Variants in SYTL2 observed in about 807,000 individuals in gnomAD.
SYTL2 encodes the protein synaptotagmin like 2.
A neutral mutation model predicts 198.7 loss-of-function variants in SYTL2; 165 were observed. The observed-to-expected ratio is 0.83, with a 90% CI of 0.73 to 0.94. The LOEUF (loss-of-function observed/expected upper bound fraction) is 0.94. Ranked by LOEUF, SYTL2 falls within the 40% of genes least tolerant of loss-of-function variation. The pLI is 0.00. For missense variants in SYTL2, 2,835 were observed against 2,582.8 expected, an observed-to-expected ratio of 1.10 and a Z score of -2.12; for synonymous variants, 966 against 917.7, an observed-to-expected ratio of 1.05 and a Z score of -0.95.
At chr11:85,829,206 G>A in the SYTL2 span, among the ~76,000 whole-genome samples, 2 of 152,148 alleles carry the variant, frequency 1.3e-5, no homozygotes, top group African/African-American at 4.8e-5. Context: ...GTACCAAATA[G>A]GTGGTTTTTA....
the SYTL2 span, among the ~76,000 whole-genome samples, chr11:85,846,309 C>G: frequency 6.6e-6 from 1 of 152,186 alleles, no homozygotes; most frequent in East Asian, 1.9e-4. Context: ...CATTTCCATA[C>G]TCTCTTGCTT....
At position 85,705,002 on chromosome 11, in the gene SYTL2, C is replaced by CT; in HGVS notation, c.6044dup (p.Thr2016AspfsTer15). 4 of 1,611,928 alleles carry CT rather than the reference C, an allele frequency of 2.5e-6. No individual in the cohort carries two copies. Among genetic ancestry groups the CT allele is most frequent in the Non-Finnish European group, 3.4e-6 (4 of 1,178,788 alleles). On this transcript the variant is annotated frameshift_variant, in exon 16 of 20. Transcript: ENST00000359152. LOFTEE classifies it high-confidence loss of function. The stretch of plus-strand genomic sequence containing the variant: ...AAATGGACAGGTTCAATTTCTGTGT[C>CT]TTTAAGATTTGTTTTTCAATTTTAT...
At chr11:85,773,373 G>A (rs667275) in intron 1 of SYTL2, among the ~76,000 whole-genome samples, 90,632 of 152,082 alleles carry the variant, frequency 0.6, 27,791 homozygotes, top group Middle Eastern at 0.67. Context: ...CTCTGTCTTT[G>A]GAACATGCAG....
At chr11:85,753,971 G>A (rs1447835324) in intron 2 of SYTL2, among the ~76,000 whole-genome samples, 1 of 152,094 alleles carries the variant, frequency 6.6e-6, no homozygotes, top group Non-Finnish European at 1.5e-5. Flanking sequence ...CAACAGTGGT[G>A]TATCCATTAG....
At chr11:85,700,982 G>A (rs2153377375) in intron 16 of SYTL2, among the ~76,000 whole-genome samples, 1 of 152,298 alleles carries the variant, frequency 6.6e-6, no homozygotes, top group East Asian at 1.9e-4. Context: ...ATTTGAAGGA[G>A]TATGAGATAG....
chr11:85,707,821 A>C (rs925376856), intron 14 of SYTL2, among the ~76,000 whole-genome samples: 16 of 151,950 alleles, frequency 1.1e-4, no homozygotes, highest in African/African-American at 3.4e-4. Flanking sequence ...CAGAAAACAC[A>C]CTTCCAGGCC....
At chr11:85,755,915 G>A (rs1180610248) in intron 2 of SYTL2, among the ~76,000 whole-genome samples, 2 of 152,186 alleles carry the variant, frequency 1.3e-5, no homozygotes, top group African/African-American at 4.8e-5. Context: ...CCCACATCCT[G>A]AGGTAGAAAG....
intron 1 of SYTL2, 59 bp from the exon 2 acceptor site, chr11:85,758,173 C>T (rs145661654): frequency 1.3e-5 from 2 of 156,072 alleles, no homozygotes; most frequent in African/African-American, 4.8e-5. Context: ...ATAAGCACTA[C>T]TCATTACTAC....
At chr11:85,833,021 A>G in the SYTL2 span, among the ~76,000 whole-genome samples, 1 of 16,940 alleles carries the variant, frequency 5.9e-5, no homozygotes, top group Admixed American at 6.7e-4. Context: ...AAAAGAAAGA[A>G]AGAAAGAAAG....
In SYTL2 at chr11:85,724,534, C is replaced by T. The variant is rs751666784; in HGVS notation, c.4824G>A (p.Val1608=). The part of the protein sequence containing the change: ...QSEQTRFLGT[V]PHFYRAASQT... ...GTGAGGCTGCCCTGTAAAAATGGGG[C>T]ACTGTCCCCAAGAACCTGGTCTGCT... is the stretch of plus-strand genomic sequence containing the variant. The change falls in exon 8 of 20, where the codon GTG becomes GTA. Residue 1608 remains valine (V), a synonymous_variant. Coordinates refer to ENST00000359152, the MANE Select transcript of SYTL2 (RefSeq NM_206927.4). 93 of 1,613,854 alleles carry T rather than the reference C, an allele frequency of 5.8e-5. No homozygotes were observed. The highest frequency in any genetic ancestry group is 7.7e-5 in the Non-Finnish European group (91 of 1,180,016).
chr11:85,699,106 C>T (rs1005464006), intron 17 of SYTL2, among the ~76,000 whole-genome samples: 2 of 152,048 alleles, frequency 1.3e-5, no homozygotes, highest in Admixed American at 1.3e-4. Context: ...ATAATCTATG[C>T]CCTTGGGAAA....
chr11:85,729,287 G>A (rs369965244), intron 7 of SYTL2, among the ~76,000 whole-genome samples: 13 of 152,074 alleles, frequency 8.5e-5, no homozygotes, highest in South Asian at 4.2e-4. Flanking sequence ...CAGAATACAC[G>A]TTCTTCTCAG....
In SYTL2 at chr11:85,745,687, C is replaced by T. The variant is rs1157006247; in HGVS notation, c.339G>A (p.Leu113=). ...CTTCTGGCTCTTCTACAACGCCAGC[C>T]AGCTCTGGAGGAAGGAAAGCATCTT... ...VNKDAFLPPE[L]AGVVEEPEED... Residue 113 remains leucine (L), a synonymous_variant, in exon 4 of 20, where the codon CTG becomes CTA. Coordinates refer to ENST00000359152, the MANE Select transcript of SYTL2 (RefSeq NM_206927.4). 1 of 1,613,968 alleles carries T rather than the reference C, an allele frequency of 6.2e-7. No homozygotes were observed. Among genetic ancestry groups the T allele is most frequent in the Non-Finnish European group, 8.5e-7 (1 of 1,179,830 alleles).
chr11:85,727,050 C>G lies in SYTL2; in HGVS notation c.2308G>C (p.Val770Leu). 1 of 1,536,330 alleles carries G rather than the reference C, an allele frequency of 6.5e-7. No individual in the cohort carries two copies. The highest frequency in any genetic ancestry group is 8.7e-7 in the Non-Finnish European group (1 of 1,146,940). Residue 770 changes from valine to leucine, a missense_variant, in exon 8 of 20, where the codon GTC becomes CTC. Coordinates refer to ENST00000359152, the MANE Select transcript of SYTL2 (RefSeq NM_206927.4). ...NNGSPWKKPEVQFQQEAGEVP... is the reference protein window; with the variant it reads ...NNGSPWKKPELQFQQEAGEVP... Reference sequence around the variant, plus strand: ...TCACCAGCTTCTTGCTGGAATTGGACCTCAGGCTTCTTCCAAGGAGAGCCA... The same window carrying G: ...TCACCAGCTTCTTGCTGGAATTGGAGCTCAGGCTTCTTCCAAGGAGAGCCA...
the SYTL2 span, among the ~76,000 whole-genome samples, chr11:85,818,363 T>C: frequency 6.6e-6 from 1 of 152,236 alleles, no homozygotes; most frequent in African/African-American, 2.4e-5. Flanking sequence ...TTATATATGG[T>C]ATATTGCTAT....
intron 7 of SYTL2, among the ~76,000 whole-genome samples, chr11:85,729,485 T>C (rs927622053): frequency 1.3e-5 from 2 of 151,982 alleles, no homozygotes; most frequent in Non-Finnish European, 2.9e-5. Context: ...TGCTCCTGAG[T>C]GACTACTGGG....
the SYTL2 span, among the ~76,000 whole-genome samples, chr11:85,819,836 G>A: frequency 6.6e-6 from 1 of 152,074 alleles, no homozygotes; most frequent in Non-Finnish European, 1.5e-5. Context: ...TTGTATTTCT[G>A]CATATGTAAC....
In SYTL2 at chr11:85,727,890, G is replaced by A. The variant is rs777366047; in HGVS notation, c.1468C>T (p.Pro490Ser). 25 of 1,613,626 alleles carry A rather than the reference G, an allele frequency of 1.5e-5. No homozygotes were observed. In the Admixed American group the frequency reaches 1.7e-4, roughly 11 times the overall value. ...GCTTTTAGAGCCGGGAGAGGAGGGG[G>A]CTTACCTTGCTGACGGTCTCTAGAA... ...GSSRDRQQGK[P>S]PPLPALKAKT... is the part of the protein sequence containing the mutation. Residue 490 changes from proline to serine, a missense_variant, in exon 8 of 20, where the codon CCC (proline) becomes TCC (serine). Physicochemically the swap from Pro to Ser is moderately conservative, Grantham distance 74 (BLOSUM62 -1). Coordinates refer to ENST00000359152, the MANE Select transcript of SYTL2 (RefSeq NM_206927.4).
chr11:85,755,425 TC>T (rs2091803959), intron 2 of SYTL2, among the ~76,000 whole-genome samples: 1 of 152,166 alleles, frequency 6.6e-6, no homozygotes, highest in African/African-American at 2.4e-5. Context: ...TTTTCACCAA[TC>T]CAAGCCTTCT....
Sources: gnomAD v4.1 joint callset for allele counts (sites outside exome capture counted in the v4.1 genomes callset) on GRCh38, gnomAD v4.1.1 for gene constraint, MANE v1.5 for transcripts, NCBI Gene and HGNC (gene_info 2026-07-23, HGNC 2026-07-21) for gene names.